Variants in HTATIP2 observed in about 807,000 individuals in gnomAD.
HTATIP2 encodes protein HTATIP2.
HTATIP2 carries 26 observed loss-of-function variants against 24.7 expected under a neutral mutation model. The ratio of observed to expected loss-of-function variants is 1.05; its 90% confidence interval spans 0.77 to 1.46. The LOEUF is 1.46. Among genes scored for constraint, HTATIP2 ranks in the 40% most tolerant of loss-of-function variants. The probability of loss-of-function intolerance (pLI) is 0.00; values close to 1 mark genes in which losing one functional copy is unlikely to be tolerated. For synonymous variants in HTATIP2, 99 were observed against 113.2 expected (o/e 0.87, Z 0.79); for missense variants, 284 against 289.6 (o/e 0.98, Z 0.14).
chr11:20,373,918 G>A (rs980431078), intron 2 of HTATIP2, among the ~76,000 whole-genome samples: 6 of 152,122 alleles, frequency 3.9e-5, no homozygotes, highest in Middle Eastern at 3.2e-3. Context: ...AATTTGAGTC[G>A]GTATATAGAC....
Position 20,368,101 on chromosome 11 carries a change from T to G in HTATIP2, c.303+820T>G, listed in dbSNP as rs117555133. Among the ~76,000 whole-genome samples, 934 of 150,798 alleles carry G rather than the reference T, an allele frequency of 6.2e-3. 15 individuals are homozygous for G. Among genetic ancestry groups the G allele is most frequent in the Non-Finnish European group, 7.0e-3 (473 of 67,592 alleles). Reference sequence around the variant, plus strand: ...AAATATTTAATAATAAATACATAAATAAAACAGAAGAAAGTGAAAAAAGTA... The same window carrying G: ...AAATATTTAATAATAAATACATAAAGAAAACAGAAGAAAGTGAAAAAAGTA... On this transcript the variant is annotated intron_variant, in intron 2 of 4. Coordinates refer to ENST00000451739, the MANE Select transcript of HTATIP2 (RefSeq NM_001098522.2).
At chr11:20,374,062 A>G (rs1848404980) in intron 2 of HTATIP2, among the ~76,000 whole-genome samples, 1 of 152,226 alleles carries the variant, frequency 6.6e-6, no homozygotes, top group South Asian at 2.1e-4. Flanking sequence ...AAAGTAAGGC[A>G]GAAAAATAAC....
rs751151798 is a variant in HTATIP2, at chr11:20,364,313, G to A, written c.76G>A (p.Ala26Thr). ...MQNKSVFILG[A>T]SGETGRVLLK... ...GAATAAATCCGTCTTTATTTTGGGC[G>A]CCAGCGGAGAAACCGGCAGAGTGCT... is the stretch of plus-strand genomic sequence containing the variant. Residue 26 changes from alanine (A) to threonine (T), a missense_variant, in exon 1 of 5, where the codon GCC becomes ACC. Transcript: ENST00000451739. 8.1e-6 allele frequency: 13 copies of A among 1,613,702 alleles called. No homozygotes were observed. The East Asian group carries it at 2.9e-4, about 36-fold the overall frequency.
chr11:20,370,681 G>A (rs890073476), intron 2 of HTATIP2, among the ~76,000 whole-genome samples: 2 of 152,032 alleles, frequency 1.3e-5, no homozygotes, highest in African/African-American at 4.8e-5. Flanking sequence ...ACGGAGTCTC[G>A]CTCAGTTGCC....
intron 3 of HTATIP2, among the ~76,000 whole-genome samples, chr11:20,380,114 A>G (rs551634889): frequency 6.6e-6 from 1 of 152,370 alleles, no homozygotes; most frequent in African/African-American, 2.4e-5. Flanking sequence ...AGCCAGTTAC[A>G]TAGGCACATT....
intron 1 of HTATIP2, among the ~76,000 whole-genome samples, chr11:20,365,129 G>A (rs1208914816): frequency 6.6e-6 from 1 of 151,956 alleles, no homozygotes; most frequent in Non-Finnish European, 1.5e-5. Context: ...AACTACAGGC[G>A]TGCGTCACCA....
Position 20,364,116 on chromosome 11 carries a change from G to A in HTATIP2, c.-122G>A. 6.9e-7 allele frequency: 1 copy of A among 1,444,948 alleles called. No individual in the cohort carries two copies. Among genetic ancestry groups the A allele is most frequent in the Non-Finnish European group, 9.1e-7 (1 of 1,097,200 alleles). The allele number at this position is 1,444,948 out of a possible 1,614,324, so 89.5% of individuals were successfully genotyped here. A position where few individuals can be genotyped will look rare whatever the true frequency, so the allele number is the denominator to read the frequency against. On this transcript the variant is annotated 5_prime_UTR_variant, in exon 1 of 5. Transcript: ENST00000451739. ...CACGTGACTCAGCACTTTCCCCAGAGCCCGGACTGCGGAGAACAATATCCT... is the reference window on the plus strand; with the variant it reads ...CACGTGACTCAGCACTTTCCCCAGAACCCGGACTGCGGAGAACAATATCCT...
Position 20,383,358 on chromosome 11 carries a change from G to C in HTATIP2, c.*153G>C. ...CAAGAAATGATGGTGCTCTGCATCA[G>C]TGGTTCAGAGCCTGGTTATACATAT... On this transcript the variant is annotated 3_prime_UTR_variant, in exon 5 of 5. Coordinates refer to ENST00000451739, the MANE Select transcript of HTATIP2 (RefSeq NM_001098522.2). 1.6e-6 allele frequency: 1 copy of C among 625,588 alleles called. No individual in the cohort carries two copies. Among genetic ancestry groups the C allele is most frequent in the Non-Finnish European group, 2.8e-6 (1 of 356,220 alleles). 38.8% of individuals were successfully genotyped at this position (625,588 alleles called of 1,614,324 possible).
chr11:20,366,099 C>CTT lies in HTATIP2; in HGVS notation c.196-1056_196-1055dup, dbSNP rs746247166. Among the ~76,000 whole-genome samples the CTT allele has an allele frequency of 4.7e-3, 509 of 108,684 alleles. 22 individuals carry two copies. Among genetic ancestry groups the CTT allele is most frequent in the Non-Finnish European group, 6.2e-3 (338 of 54,478 alleles). The allele number at this position is 108,684 out of a possible 152,430, so 71.3% of individuals were successfully genotyped here. On this transcript the variant is annotated intron_variant, in intron 1 of 4. Coordinates refer to ENST00000451739, the MANE Select transcript of HTATIP2 (RefSeq NM_001098522.2). ...TTTTCTTTTTCTTTTCTTTTCTTTT[C>CTT]TTTTTTTTTTTTTTTTTTTTGAGAT...
rs370774686 is a variant in HTATIP2 at position 20,383,202 on chromosome 11, AT to A, written c.727del (p.Ter243AspfsTer24). Reference protein sequence around the residue: ...LGKAHGSLKP* With the variant: ...LGKAHGSLKPX Reference sequence around the variant, plus strand: ...GGAAAGCGCATGGCTCTCTCAAGCCATGACCACATTGGAGAAATGGTTTTTA... The same window carrying A: ...GGAAAGCGCATGGCTCTCTCAAGCCAGACCACATTGGAGAAATGGTTTTTA... On this transcript the variant is annotated frameshift_variant and stop_lost, in exon 5 of 5. Transcript: ENST00000451739. LOFTEE classifies it high-confidence loss of function. The A allele has an allele frequency of 3.6e-4, 576 of 1,611,738 alleles. 5 individuals are homozygous for A. The African/African-American group carries it at 6.7e-3, about 19-fold the overall frequency.
In HTATIP2 at chr11:20,370,751, G is replaced by A. The variant is rs371642687; in HGVS notation, c.303+3470G>A. Among the ~76,000 whole-genome samples, 43 of 152,220 alleles carry A rather than the reference G, an allele frequency of 2.8e-4. No homozygotes were observed. In the East Asian group the frequency reaches 5.8e-3, roughly 21 times the overall value. On this transcript the variant is annotated intron_variant, in intron 2 of 4. Transcript: ENST00000451739. Reference sequence around the variant, plus strand: ...TGCAAGCTCCGCCTCCTGGGTTCACGCCATTCTCCTGCCTCAGCCTCCCAA... The same window carrying A: ...TGCAAGCTCCGCCTCCTGGGTTCACACCATTCTCCTGCCTCAGCCTCCCAA...
In HTATIP2 at chr11:20,383,694, A is replaced by G. The variant is rs998021740; in HGVS notation, c.*489A>G. 5.7e-5 allele frequency: 9 copies of G among 158,566 alleles called. No homozygotes were observed. The highest frequency in any genetic ancestry group is 1.9e-4 in the African/African-American group (8 of 41,478). The allele number at this position is 158,566 out of a possible 1,614,324, so 9.8% of individuals were successfully genotyped here. A position where few individuals can be genotyped will look rare whatever the true frequency, so the allele number is the denominator to read the frequency against. On this transcript the variant is annotated 3_prime_UTR_variant, in exon 5 of 5. Coordinates refer to ENST00000451739, the MANE Select transcript of HTATIP2 (RefSeq NM_001098522.2). ...TGTAAGTAAACATTGTGCCTTTACT[A>G]CTTCTTTATGTAATAGAAGTTATAT...
At chr11:20,371,466 TTG>T (rs994180793) in intron 2 of HTATIP2, among the ~76,000 whole-genome samples, 3 of 152,186 alleles carry the variant, frequency 2.0e-5, no homozygotes, top group African/African-American at 7.2e-5. Flanking sequence ...TGGAGTGCAG[TTG>T]TGTGATTTCG....
rs141995111 is a variant in HTATIP2, at chr11:20,376,687, A to G, written c.411A>G (p.Lys137=). The change falls in exon 3 of 5, where the codon AAA becomes AAG. Residue 137 remains lysine, a synonymous_variant. Coordinates refer to ENST00000451739, the MANE Select transcript of HTATIP2 (RefSeq NM_001098522.2). ...TGCTATCCTCTAAAGGAGCTGATAA[A>G]TCAAGCAATTTTTTATATCTACAAG... is the stretch of plus-strand genomic sequence containing the variant. ...FNLLSSKGAD[K]SSNFLYLQVK... 4 of 1,610,440 alleles carry G rather than the reference A, an allele frequency of 2.5e-6. No individual in the cohort carries two copies. Among genetic ancestry groups the G allele is most frequent in the South Asian group, 2.2e-5 (2 of 90,470 alleles).
At chr11:20,372,451 T>G (rs2064781759) in intron 2 of HTATIP2, among the ~76,000 whole-genome samples, 1 of 152,268 alleles carries the variant, frequency 6.6e-6, no homozygotes, top group African/African-American at 2.4e-5. Context: ...TTTGATGTTG[T>G]GGAGCCTATG....
intron 3 of HTATIP2, among the ~76,000 whole-genome samples, chr11:20,381,335 G>T (rs1290679355): frequency 6.6e-6 from 1 of 152,118 alleles, no homozygotes; most frequent in Non-Finnish European, 1.5e-5. Context: ...AGCTACTTGG[G>T]AGGCCGAGGC....
chr11:20,375,954 T>C (rs1054628997), intron 2 of HTATIP2: 16 of 152,344 alleles, frequency 1.1e-4, no homozygotes, highest in Non-Finnish European at 1.9e-4. Flanking sequence ...ATGCTGGACA[T>C]GTGCTGATGC....
intron 2 of HTATIP2, chr11:20,367,750 C>T (rs1434822353): frequency 2.5e-6 from 2 of 790,580 alleles, no homozygotes; most frequent in African/African-American, 3.7e-5. Context: ...ACGATTCAAC[C>T]AGCCTCCAGC....
intron 2 of HTATIP2, among the ~76,000 whole-genome samples, chr11:20,371,700 A>C (rs985621813): frequency 1.3e-5 from 2 of 152,072 alleles, no homozygotes; most frequent in Non-Finnish European, 2.9e-5. Flanking sequence ...CGGCCTCCCA[A>C]AGTGCTGGGA....
Sources: allele counts gnomAD v4.1 joint callset (sites outside exome capture counted in the v4.1 genomes callset), GRCh38; gene constraint gnomAD v4.1.1; transcripts MANE v1.5; gene names NCBI Gene and HGNC (gene_info 2026-07-23, HGNC 2026-07-21).